Variants in FAF1 observed in about 807,000 individuals in gnomAD.
FAF1 encodes the protein FAS-associated factor 1.
Under a neutral mutation model 92.5 loss-of-function variants are expected in FAF1, and 25 were observed. The observed-to-expected ratio is 0.27, with a 90% CI of 0.20 to 0.38. The LOEUF is 0.38. Ranked by LOEUF, FAF1 falls within the 10% of genes least tolerant of loss-of-function variation. The probability of loss-of-function intolerance (pLI) is 1.00; values close to 1 mark genes in which losing one functional copy is unlikely to be tolerated. For synonymous variants in FAF1, 234 were observed against 273.2 expected (o/e 0.86, Z 1.42); for missense variants, 636 against 793.3 (o/e 0.80, Z 2.38).
At chr1:50,928,850 A>T (rs978186685) in intron 1 of FAF1, among the ~76,000 whole-genome samples, 2 of 150,178 alleles carry the variant, frequency 1.3e-5, no homozygotes, top group Admixed American at 1.3e-4. Flanking sequence ...TAATCCCAGC[A>T]CTTTGGGAGG....
intron 4 of FAF1, among the ~76,000 whole-genome samples, chr1:50,772,036 A>G (rs756152312): frequency 2.6e-5 from 4 of 152,198 alleles, no homozygotes; most frequent in Non-Finnish European, 5.9e-5. Flanking sequence ...GGAAATACAG[A>G]AAAAGATTAC....
chr1:50,449,489 CTTTTTTTTTT>C (rs373425527), intron 18 of FAF1, among the ~76,000 whole-genome samples: 2 of 124,618 alleles, frequency 1.6e-5, no homozygotes, highest in Non-Finnish European at 3.4e-5. Context: ...CTTTTTCTTT[CTTTTTTTTTT>C]TTTTTTTTTG....
At position 50,696,326 on chromosome 1, in the gene FAF1, G is replaced by A. The variant is rs187213158; in HGVS notation, c.657+9460C>T. ...CTTTATACAGTCTTTCCTTGTTTTG[G>A]AGGGAGAAAATGTTCTCTTGGGTGC... On this transcript the variant is annotated intron_variant, in intron 7 of 18. Coordinates refer to ENST00000396153, the MANE Select transcript of FAF1 (RefSeq NM_007051.3). Among the ~76,000 whole-genome samples, 65 of 152,222 alleles carry A rather than the reference G, an allele frequency of 4.3e-4. 1 individual carries two copies. The highest frequency in any genetic ancestry group is 7.6e-4 in the Non-Finnish European group (52 of 68,008).
intron 17 of FAF1, among the ~76,000 whole-genome samples, chr1:50,482,856 CTTATTA>C (rs1282963820): frequency 2.0e-5 from 3 of 152,046 alleles, no homozygotes; most frequent in Non-Finnish European, 4.4e-5. Flanking sequence ...GGGTTGCTTT[CTTATTA>C]TTGAGTTTTG....
At chr1:50,522,315 C>T (rs1209353870) in intron 15 of FAF1, among the ~76,000 whole-genome samples, 2 of 152,092 alleles carry the variant, frequency 1.3e-5, no homozygotes, top group African/African-American at 4.8e-5. Context: ...GTATTCTGGC[C>T]TTTACACAGT....
At chr1:50,718,187 C>A (rs564752590) in intron 6 of FAF1, among the ~76,000 whole-genome samples, 6 of 151,958 alleles carry the variant, frequency 3.9e-5, no homozygotes, top group African/African-American at 1.5e-4. Context: ...GGGATTACCA[C>A]GCTCAGCTAA....
At chr1:50,876,387 T>C (rs887014809) in intron 1 of FAF1, among the ~76,000 whole-genome samples, 1 of 152,132 alleles carries the variant, frequency 6.6e-6, no homozygotes, top group African/African-American at 2.4e-5. Context: ...AATGGCTAAT[T>C]CTAGGACTGA....
intron 15 of FAF1, among the ~76,000 whole-genome samples, chr1:50,527,858 TCC>T (rs565863387): frequency 1.3e-3 from 117 of 88,930 alleles, no homozygotes; most frequent in South Asian, 6.4e-3. Context: ...TCTCCCTCTC[TCC>T]CTCTCTCCCT....
At chr1:50,534,346 T>A (rs1055248303) in intron 15 of FAF1, among the ~76,000 whole-genome samples, 3 of 152,140 alleles carry the variant, frequency 2.0e-5, no homozygotes, top group Non-Finnish European at 4.4e-5. Flanking sequence ...AGTGGCATGA[T>A]CTTGGCTCAC....
intron 13 of FAF1, among the ~76,000 whole-genome samples, chr1:50,561,550 G>A (rs1018852124): frequency 4.6e-5 from 7 of 152,092 alleles, no homozygotes; most frequent in African/African-American, 9.7e-5. Context: ...AGTTGTGGCC[G>A]GGCGCAGGGG....
At chr1:50,547,970 T>C (rs929202555) in intron 13 of FAF1, among the ~76,000 whole-genome samples, 1 of 152,210 alleles carries the variant, frequency 6.6e-6, no homozygotes, top group East Asian at 1.9e-4. Context: ...GTGTTGATCA[T>C]AGACTCTTAG....
intron 18 of FAF1, among the ~76,000 whole-genome samples, chr1:50,455,111 T>A (rs1557951556): frequency 6.6e-6 from 1 of 152,208 alleles, no homozygotes; most frequent in Non-Finnish European, 1.5e-5. Context: ...TTCCAGCAGC[T>A]CCCTTGGCTC....
intron 3 of FAF1, among the ~76,000 whole-genome samples, chr1:50,791,914 C>T (rs183362838): frequency 2.4e-4 from 37 of 152,300 alleles, no homozygotes; most frequent in South Asian, 6.2e-4. Flanking sequence ...GGACAAGATT[C>T]AAGAATTGGC....
intron 2 of FAF1, among the ~76,000 whole-genome samples, chr1:50,852,580 G>A (rs1367568198): frequency 6.6e-6 from 1 of 152,132 alleles, no homozygotes; most frequent in Non-Finnish European, 1.5e-5. Flanking sequence ...GAGAAGAAAA[G>A]CATACTAGGT....
intron 8 of FAF1, among the ~76,000 whole-genome samples, chr1:50,639,991 T>C (rs1397712337): frequency 6.7e-6 from 1 of 148,870 alleles, no homozygotes; most frequent in African/African-American, 2.5e-5. Flanking sequence ...TATGGTACCA[T>C]ACCATATAAC....
intron 4 of FAF1, among the ~76,000 whole-genome samples, chr1:50,779,065 G>A (rs1000812874): frequency 6.6e-6 from 1 of 152,048 alleles, no homozygotes; most frequent in Non-Finnish European, 1.5e-5. Context: ...TATGCATAGC[G>A]TCTTCATCAG....
intron 8 of FAF1, among the ~76,000 whole-genome samples, chr1:50,627,070 A>C (rs1425337390): frequency 6.6e-6 from 1 of 152,122 alleles, no homozygotes; most frequent in Non-Finnish European, 1.5e-5. Context: ...GATATGGTAA[A>C]TTTTAGTTCC....
intron 1 of FAF1, among the ~76,000 whole-genome samples, chr1:50,904,414 G>A (rs1406183858): frequency 6.6e-6 from 1 of 152,124 alleles, no homozygotes; most frequent in Admixed American, 6.6e-5. Context: ...TTGAGAAGAC[G>A]AAAAAGTTCT....
intron 1 of FAF1, among the ~76,000 whole-genome samples, chr1:50,906,290 T>G (rs1644837675): frequency 6.6e-6 from 1 of 152,210 alleles, no homozygotes; most frequent in South Asian, 2.1e-4. Context: ...AGCTTTGTAG[T>G]ATAGTTTGAA....
Sources: allele counts gnomAD v4.1 joint callset (sites outside exome capture counted in the v4.1 genomes callset), GRCh38; gene constraint gnomAD v4.1.1; transcripts MANE v1.5; gene names NCBI Gene and HGNC (gene_info 2026-07-23, HGNC 2026-07-21).